The following RIPOR2 variants were observed in gnomAD, a reference collection of about 807,000 sequenced individuals.
RIPOR2 encodes RHO family interacting cell polarization regulator 2.
RIPOR2 carries 39 observed loss-of-function variants against 114.5 expected under a neutral mutation model. The observed-to-expected ratio is 0.34, with a 90% CI of 0.26 to 0.44. The LOEUF (loss-of-function observed/expected upper bound fraction) is 0.44. Ranked by LOEUF, RIPOR2 falls within the 20% of genes least tolerant of loss-of-function variation. The pLI, the probability that RIPOR2 is intolerant of heterozygous loss-of-function variation, is 1.00. For synonymous variants in RIPOR2, 445 were observed against 484.4 expected (o/e 0.92, Z 1.07); for missense variants, 1,007 against 1,255.1 (o/e 0.80, Z 2.99).
chr6:25,003,009 A>G (rs1156983981), intron 1 of RIPOR2, among the ~76,000 whole-genome samples: 1 of 152,264 alleles, frequency 6.6e-6, no homozygotes, highest in African/African-American at 2.4e-5. Context: ...CAGTTAAAAC[A>G]TGGAACATTT....
intron 9 of RIPOR2, among the ~76,000 whole-genome samples, chr6:24,851,054 C>A (rs1401379944): frequency 6.6e-6 from 1 of 152,080 alleles, no homozygotes; most frequent in Non-Finnish European, 1.5e-5. Context: ...TGCCACCATG[C>A]CCGGCTAATT....
chr6:24,847,711 A>G, intron 12 of RIPOR2: 1 of 1,539,934 alleles, frequency 6.5e-7, no homozygotes, highest in South Asian at 1.2e-5. Context: ...TGAAAGCAAG[A>G]TGGGGGAGTT....
intron 1 of RIPOR2, among the ~76,000 whole-genome samples, chr6:24,952,525 A>T (rs6907762): frequency 0.057 from 8,727 of 152,294 alleles, 502 homozygotes; most frequent in Middle Eastern, 0.17. Flanking sequence ...TTGGGAAGAG[A>T]TGCACAGTAG....
intron 1 of RIPOR2, among the ~76,000 whole-genome samples, chr6:25,004,464 A>G (rs1455270085): frequency 6.6e-6 from 1 of 151,850 alleles, no homozygotes; most frequent in Non-Finnish European, 1.5e-5. Context: ...TTCACCATTC[A>G]CCCCCTGTAC....
chr6:24,837,232 C>T lies in RIPOR2; in HGVS notation c.2040-1361G>A, dbSNP rs529639558. On this transcript the variant is annotated intron_variant, in intron 14 of 21. Transcript: ENST00000643898. ...CCACCTCCCAGGTTCAAGCCATTCT[C>T]CCACCTCAGCCTCCTGAGTAACTAG... is the stretch of plus-strand genomic sequence containing the variant. Among the ~76,000 whole-genome samples the T allele has an allele frequency of 6.6e-5, 10 of 152,266 alleles. No individual in the cohort carries two copies. In the South Asian group the frequency reaches 1.9e-3, roughly 28 times the overall value.
At chr6:24,830,362 A>G (rs1581514503) in intron 17 of RIPOR2, 147 bp downstream of exon 17, 1 of 629,700 alleles carries the variant, frequency 1.6e-6, no homozygotes, top group East Asian at 2.8e-5. Flanking sequence ...TTTTCCCTGG[A>G]CAGTACACTT....
rs1770023146 is a variant in RIPOR2, at chr6:24,915,705, T to C, written c.61+20133A>G. ...TTGATTTTCCAGCTTATGAAGTGCA[T>C]AAGAATCACCCTGGGAAGGAATTTA... On this transcript the variant is annotated intron_variant, in intron 1 of 21. Coordinates refer to ENST00000643898, the MANE Select transcript of RIPOR2 (RefSeq NM_001286445.3). Among the ~76,000 whole-genome samples the C allele has an allele frequency of 1.3e-5, 2 of 152,186 alleles. 1 individual carries two copies. The highest frequency in any genetic ancestry group is 4.1e-4 in the South Asian group (2 of 4,828).
At position 24,875,045 on chromosome 6, in the gene RIPOR2, T is replaced by C. The variant is rs977412892; in HGVS notation, c.188+646A>G. Reference sequence around the variant, plus strand: ...AGCCGAGACCTCCGAGGCCGGAAGGTGCCTACTGCACCCCTCCCAGGTTAG... The same window carrying C: ...AGCCGAGACCTCCGAGGCCGGAAGGCGCCTACTGCACCCCTCCCAGGTTAG... On this transcript the variant is annotated intron_variant, in intron 2 of 21. Coordinates refer to ENST00000643898, the MANE Select transcript of RIPOR2 (RefSeq NM_001286445.3). Among the ~76,000 whole-genome samples, 51 of 152,108 alleles carry C rather than the reference T, an allele frequency of 3.4e-4. 2 individuals are homozygous for C. Among genetic ancestry groups the C allele is most frequent in the Non-Finnish European group, 5.9e-5 (4 of 68,010 alleles).
intron 1 of RIPOR2, among the ~76,000 whole-genome samples, chr6:25,008,731 T>C (rs977542996): frequency 1.3e-5 from 2 of 152,232 alleles, no homozygotes; most frequent in African/African-American, 2.4e-5. Context: ...CTCTCTGACA[T>C]CTGCTCCAAG....
chr6:24,993,125 C>T (rs898591205), intron 1 of RIPOR2, among the ~76,000 whole-genome samples: 1 of 152,116 alleles, frequency 6.6e-6, no homozygotes, highest in Non-Finnish European at 1.5e-5. Context: ...ATTTGATCTT[C>T]TCTCTATTCT....
upstream of RIPOR2, among the ~76,000 whole-genome samples, chr6:24,939,512 G>GA (rs1467155799): frequency 6.6e-6 from 1 of 152,200 alleles, no homozygotes; most frequent in East Asian, 1.9e-4. Context: ...ACTTAAAGCA[G>GA]AAAGGAGAAG....
At chr6:24,890,369 G>A (rs190808761) in intron 1 of RIPOR2, among the ~76,000 whole-genome samples, 1 of 152,160 alleles carries the variant, frequency 6.6e-6, no homozygotes, top group Non-Finnish European at 1.5e-5. Context: ...GGAACTGGAG[G>A]CCATTATCTT....
chr6:24,850,020 T>G, intron 10 of RIPOR2, 70 bp from the exon 11 acceptor site: 1 of 1,334,528 alleles, frequency 7.5e-7, no homozygotes, highest in Non-Finnish European at 1.0e-6. Context: ...AATGTGTCAT[T>G]TTTTTTACTG....
chr6:24,958,903 G>A (rs978403905), intron 1 of RIPOR2, among the ~76,000 whole-genome samples: 4 of 151,370 alleles, frequency 2.6e-5, no homozygotes, highest in East Asian at 3.9e-4. Context: ...GGAAATGGCC[G>A]TCAATCCTTG....
chr6:24,926,902 A>G (rs966953977), intron 1 of RIPOR2, among the ~76,000 whole-genome samples: 3 of 151,402 alleles, frequency 2.0e-5, no homozygotes, highest in African/African-American at 7.3e-5. Flanking sequence ...CACCATTACC[A>G]TCATCACCAC....
At chr6:24,830,078 C>G (rs56733961) in intron 17 of RIPOR2, among the ~76,000 whole-genome samples, 56,234 of 151,950 alleles carry the variant, frequency 0.37, 10,942 homozygotes, top group East Asian at 0.67. Flanking sequence ...CGATTCTCCT[C>G]CCTCAGTCTC....
At position 24,843,698 on chromosome 6, in the gene RIPOR2, CGTGTGTGTGTGT is replaced by C. The variant is rs34540028; in HGVS notation, c.1165-156_1165-145del. 400 of 368,242 alleles carry C rather than the reference CGTGTGTGTGTGT, an allele frequency of 1.1e-3. 1 individual carries two copies. The highest frequency in any genetic ancestry group is 4.8e-3 in the Admixed American group (106 of 22,288). The allele number at this position is 368,242 out of a possible 1,614,324, so 22.8% of individuals were successfully genotyped here. The stretch of plus-strand genomic sequence containing the variant: ...ATGTTAGCATTTTATTTGTTGATGC[CGTGTGTGTGTGT>C]GTGTGTGTGTGTGTGTGTGTGTGTG... On this transcript the variant is annotated intron_variant, in intron 12 of 21. Coordinates refer to ENST00000643898, the MANE Select transcript of RIPOR2 (RefSeq NM_001286445.3).
chr6:24,888,599 G>T (rs891180459), intron 1 of RIPOR2, among the ~76,000 whole-genome samples: 1 of 152,160 alleles, frequency 6.6e-6, no homozygotes, highest in Non-Finnish European at 1.5e-5. Context: ...TGTTTCCTTT[G>T]CCCAACATGT....
intron 1 of RIPOR2, among the ~76,000 whole-genome samples, chr6:25,019,774 C>CAAAAAAAAAAAAAAAAAAAAAAAA (rs34107737): frequency 5.6e-5 from 3 of 53,120 alleles, no homozygotes; most frequent in East Asian, 8.3e-4. Context: ...GACTCTGTCT[C>CAAAAAAAAAAAAAAAAAAAAAAAA]AAAAAAAAAA....
Sources: gnomAD v4.1 joint callset for allele counts (sites outside exome capture counted in the v4.1 genomes callset) on GRCh38, gnomAD v4.1.1 for gene constraint, MANE v1.5 for transcripts, NCBI Gene and HGNC (gene_info 2026-07-23, HGNC 2026-07-21) for gene names.